Variants in MICAL3 observed in about 807,000 individuals in gnomAD.
The protein encoded by MICAL3 is microtubule associated monooxygenase, calponin and LIM domain containing 3, also known as [F-actin]-monooxygenase MICAL3.
Under a neutral mutation model 207.4 loss-of-function variants are expected in MICAL3, and 62 were observed. That is an observed-to-expected ratio of 0.30 (90% CI 0.24 to 0.37). The LOEUF is 0.37. MICAL3 is among the 10% of genes least tolerant of loss of function. The probability of loss-of-function intolerance (pLI) is 1.00; values close to 1 mark genes in which losing one functional copy is unlikely to be tolerated. For missense variants in MICAL3, 2,368 were observed against 2,635.6 expected, an observed-to-expected ratio of 0.90 and a Z score of 2.22; for synonymous variants, 1,077 against 1,069.3, an observed-to-expected ratio of 1.01 and a Z score of -0.14.
At chr22:17,978,832 T>TA (rs1240626730) in intron 1 of MICAL3, among the ~76,000 whole-genome samples, 3 of 150,462 alleles carry the variant, frequency 2.0e-5, no homozygotes, top group Admixed American at 6.6e-5. Flanking sequence ...GCGGTACACT[T>TA]AAAATGAATG....
chr22:17,838,050 C>T (rs977249884), intron 20 of MICAL3, among the ~76,000 whole-genome samples: 2 of 152,214 alleles, frequency 1.3e-5, no homozygotes, highest in African/African-American at 4.8e-5. Context: ...AGCAATCCTC[C>T]TGCCTTGGCC....
intron 1 of MICAL3, among the ~76,000 whole-genome samples, chr22:17,979,626 G>A (rs533323851): frequency 6.6e-6 from 1 of 151,972 alleles, no homozygotes; most frequent in Non-Finnish European, 1.5e-5. Context: ...AATTCCCCAC[G>A]GCATCCAGCG....
At chr22:17,829,165 C>CTTTT (rs11345969) in intron 21 of MICAL3, among the ~76,000 whole-genome samples, 1 of 127,612 alleles carries the variant, frequency 7.8e-6, no homozygotes, top group Non-Finnish European at 1.7e-5. Context: ...GTGAATTTGC[C>CTTTT]TTTTTTTTTT....
chr22:17,865,634 G>C (rs1412271598), intron 18 of MICAL3, among the ~76,000 whole-genome samples: 1 of 152,212 alleles, frequency 6.6e-6, no homozygotes, highest in African/African-American at 2.4e-5. Context: ...CTCTCAGAAA[G>C]ATGTGTGTTG....
At chr22:17,861,513 C>G (rs562459200) in intron 19 of MICAL3, 1 of 985,386 alleles carries the variant, frequency 1.0e-6, no homozygotes, top group Non-Finnish European at 1.2e-6. Flanking sequence ...GGTCATCAAC[C>G]GTATCAGATA....
chr22:17,904,556 A>C, intron 3 of MICAL3, 76 bp downstream of exon 3: 3 of 1,121,402 alleles, frequency 2.7e-6, no homozygotes, highest in Non-Finnish European at 4.1e-6. Context: ...TCCTCAGCTA[A>C]TCTGCCTGTC....
chr22:18,020,577 T>C (rs1030327813), intron 1 of MICAL3, among the ~76,000 whole-genome samples: 13 of 139,614 alleles, frequency 9.3e-5, no homozygotes, highest in Non-Finnish European at 1.8e-4. Context: ...GCTAAATGTA[T>C]ACTTTCAAAT....
intron 1 of MICAL3, among the ~76,000 whole-genome samples, chr22:17,910,822 GC>G (rs1317661577): frequency 6.6e-6 from 1 of 152,140 alleles, no homozygotes; most frequent in African/African-American, 2.4e-5. Flanking sequence ...TTCTGTTACC[GC>G]CCCCATTTCC....
intron 1 of MICAL3, among the ~76,000 whole-genome samples, chr22:18,017,780 T>C (rs2146513236): frequency 6.7e-6 from 1 of 149,844 alleles, no homozygotes; most frequent in African/African-American, 2.5e-5. Flanking sequence ...AGATGGAGTC[T>C]TGCTCTGTCA....
chr22:17,967,849 A>C (rs1203622132), intron 1 of MICAL3, among the ~76,000 whole-genome samples: 2 of 146,954 alleles, frequency 1.4e-5, no homozygotes, highest in Admixed American at 1.4e-4. Flanking sequence ...GTTCGAGACC[A>C]GCCTGACCAA....
intron 16 of MICAL3, chr22:17,879,390 G>C: frequency 1.9e-6 from 3 of 1,612,514 alleles, no homozygotes; most frequent in South Asian, 1.1e-5. Flanking sequence ...TCAGCATCAA[G>C]ATCCCTGTAT....
chr22:17,821,611 G>T, intron 24 of MICAL3, 102 bp from the exon 25 acceptor site: 1 of 938,624 alleles, frequency 1.1e-6, no homozygotes, highest in Non-Finnish European at 1.6e-6. Context: ...AGGGTAGAGG[G>T]CGAGTCGCTG....
intron 17 of MICAL3, among the ~76,000 whole-genome samples, chr22:17,869,552 A>G (rs564935305): frequency 6.6e-6 from 1 of 152,332 alleles, no homozygotes; most frequent in Admixed American, 6.5e-5. Context: ...TTGCAAAAAA[A>G]GAAACAGCAG....
intron 16 of MICAL3, chr22:17,876,757 A>AGGAGGTTAT (rs1928431258): frequency 1.5e-5 from 1 of 66,054 alleles, no homozygotes; most frequent in Non-Finnish European, 3.3e-5. Context: ...AGGGAGGTTA[A>AGGAGGTTAT]GGAGGTTAGG....
intron 1 of MICAL3, among the ~76,000 whole-genome samples, chr22:18,002,938 C>T (rs1044082939): frequency 1.3e-5 from 2 of 152,146 alleles, no homozygotes; most frequent in Admixed American, 1.3e-4. Flanking sequence ...AGGCAGATCA[C>T]GAGGTCAGGA....
At chr22:17,871,722 G>T in intron 17 of MICAL3, 115 bp downstream of exon 17, 1 of 907,948 alleles carries the variant, frequency 1.1e-6, no homozygotes, top group Non-Finnish European at 1.6e-6. Context: ...GGAGAGGCAT[G>T]ATGGAAAAGA....
At chr22:17,945,877 G>A (rs934284766) in intron 1 of MICAL3, among the ~76,000 whole-genome samples, 7 of 152,160 alleles carry the variant, frequency 4.6e-5, no homozygotes, top group African/African-American at 1.7e-4. Flanking sequence ...AGCCCCACAG[G>A]AGCATGTTCA....
intron 19 of MICAL3, among the ~76,000 whole-genome samples, chr22:17,847,032 G>C (rs1425050008): frequency 1.3e-5 from 2 of 152,182 alleles, no homozygotes; most frequent in Non-Finnish European, 2.9e-5. Flanking sequence ...AGCTGGCAGG[G>C]GGCTTTATTT....
intron 16 of MICAL3, among the ~76,000 whole-genome samples, chr22:17,874,852 C>A (rs984260455): frequency 6.6e-6 from 1 of 152,108 alleles, no homozygotes; most frequent in Non-Finnish European, 1.5e-5. Context: ...TCCCGCCGCA[C>A]ACCATACGCG....
Sources: allele counts gnomAD v4.1 joint callset (sites outside exome capture counted in the v4.1 genomes callset), GRCh38; gene constraint gnomAD v4.1.1; transcripts MANE v1.5; gene names NCBI Gene and HGNC (gene_info 2026-07-23, HGNC 2026-07-21).